Variants in INTS10 observed in about 807,000 individuals in gnomAD.
The protein encoded by INTS10 is chromosome 8 open reading frame 35.
INTS10 carries 44 observed loss-of-function variants against 94.4 expected under a neutral mutation model. The observed-to-expected ratio is 0.47, with a 90% CI of 0.37 to 0.60. The LOEUF (loss-of-function observed/expected upper bound fraction) is 0.60. Among genes scored for constraint, INTS10 ranks in the 20% least tolerant of loss-of-function variants. The pLI is 0.00. For missense variants in INTS10, 797 were observed against 868.7 expected, an observed-to-expected ratio of 0.92 and a Z score of 1.04; for synonymous variants, 341 against 320.7, an observed-to-expected ratio of 1.06 and a Z score of -0.68.
In INTS10 at chr8:19,837,063, A is replaced by C; in HGVS notation, c.1542A>C (p.Glu514Asp). 1 of 1,611,440 alleles carries C rather than the reference A, an allele frequency of 6.2e-7. No individual in the cohort carries two copies. The highest frequency in any genetic ancestry group is 1.1e-5 in the South Asian group (1 of 91,002). ...CTTTTCTGCTTTAGATGACATGTGAAAAAGTCCTTGATTTGATGTGCTACA... is the reference window on the plus strand; with the variant it reads ...CTTTTCTGCTTTAGATGACATGTGACAAAGTCCTTGATTTGATGTGCTACA... ...FALGEYRMTC[E>D]KVLDLMCYMV... The change falls in exon 13 of 17, where the codon GAA becomes GAC. Residue 514 changes from glutamate (E) to aspartate (D), a missense_variant. Physicochemically the swap from Glu to Asp is conservative, Grantham distance 45. Coordinates refer to ENST00000397977, the MANE Select transcript of INTS10 (RefSeq NM_018142.4).
chr8:19,819,393 G>A (rs1446817577), intron 2 of INTS10, among the ~76,000 whole-genome samples, 180 bp from the exon 3 acceptor site: 1 of 152,074 alleles, frequency 6.6e-6, no homozygotes, highest in Non-Finnish European at 1.5e-5. Context: ...ACTTATGTGA[G>A]TACTCTCATT....
chr8:19,830,515 G>C lies in INTS10; in HGVS notation c.1250G>C (p.Arg417Thr), dbSNP rs935830827. The change falls in exon 10 of 17, where the codon AGG (arginine) becomes ACG (threonine). Residue 417 changes from arginine (R) to threonine (T), a missense_variant. By Grantham distance (71) the Arg-to-Thr change is moderately conservative (BLOSUM62 -1). This residue lies in a region of INTS10 where 734 missense variants were observed against 787.8 expected (regional missense o/e 0.93). Transcript: ENST00000397977. Reference sequence around the variant, plus strand: ...GTGTTAGAAAGCTTTAAATTGGCCAGGGAGAGCTGGGAGTTGCTCTATTCC... The same window carrying C: ...GTGTTAGAAAGCTTTAAATTGGCCACGGAGAGCTGGGAGTTGCTCTATTCC... Reference protein sequence around the residue: ...TEVLESFKLARESWELLYSLE... With the variant: ...TEVLESFKLATESWELLYSLE... 5 of 1,613,996 alleles carry C rather than the reference G, an allele frequency of 3.1e-6. No homozygotes were observed. Among genetic ancestry groups the C allele is most frequent in the Non-Finnish European group, 4.2e-6 (5 of 1,179,998 alleles).
At chr8:19,845,169 A>G (rs574107779) in intron 15 of INTS10, among the ~76,000 whole-genome samples, 1 of 152,316 alleles carries the variant, frequency 6.6e-6, no homozygotes, top group African/African-American at 2.4e-5. Context: ...TCATCGACAT[A>G]TTGCATAAAA....
At chr8:19,824,353 G>A (rs921039694) in intron 7 of INTS10, 6 of 212,858 alleles carry the variant, frequency 2.8e-5, no homozygotes, top group Admixed American at 5.7e-5. Flanking sequence ...TTAGCCAGGC[G>A]AGGTGATGCG....
In INTS10 at chr8:19,842,775, T is replaced by A. The variant is rs1005835463; in HGVS notation, c.1640-73T>A. On this transcript the variant is annotated intron_variant, in intron 13 of 16. Coordinates refer to ENST00000397977, the MANE Select transcript of INTS10 (RefSeq NM_018142.4). ...TTTGTTGTTGTTAATGAAAGCATCT[T>A]AAACAGTTGCCTTTCAAAGCTGTTA... 9.9e-5 allele frequency: 92 copies of A among 930,984 alleles called. 1 individual carries two copies. Among genetic ancestry groups the A allele is most frequent in the South Asian group, 2.7e-4 (19 of 70,004 alleles). The allele number at this position is 930,984 out of a possible 1,614,324, so 57.7% of individuals were successfully genotyped here. A position where few individuals can be genotyped will look rare whatever the true frequency, so the allele number is the denominator to read the frequency against.
Position 19,824,013 on chromosome 8 carries a change from A to C in INTS10, c.805A>C (p.Arg269=). Residue 269 remains arginine, a synonymous_variant, in exon 7 of 17, where the codon AGA becomes CGA. Transcript: ENST00000397977. ...LFKILNVVGM[R]CEWQMDKGRR... Reference sequence around the variant, plus strand: ...TAAGATTTTGAATGTTGTTGGAATGAGATGTGAATGGCAGATGGATAAAGG... The same window carrying C: ...TAAGATTTTGAATGTTGTTGGAATGCGATGTGAATGGCAGATGGATAAAGG... 3.1e-6 allele frequency: 5 copies of C among 1,611,858 alleles called. No homozygotes were observed. The highest frequency in any genetic ancestry group is 4.2e-6 in the Non-Finnish European group (5 of 1,179,348).
chr8:19,841,975 A>T (rs1426068468), intron 13 of INTS10: 5 of 271,908 alleles, frequency 1.8e-5, no homozygotes. Context: ...TGTGTACAGG[A>T]TCCCATGTGA....
intron 4 of INTS10, 144 bp downstream of exon 4, chr8:19,820,662 A>G: frequency 1.6e-6 from 1 of 642,014 alleles, no homozygotes; most frequent in Non-Finnish European, 2.4e-6. Flanking sequence ...CTTTGTTAGT[A>G]AAGCTAAAAG....
chr8:19,819,707 C>T (rs374725423), intron 3 of INTS10, 31 bp downstream of exon 3: 22 of 1,469,112 alleles, frequency 1.5e-5, no homozygotes, highest in Middle Eastern at 1.7e-4. Flanking sequence ...GTTACCATTT[C>T]GGGAATACCA....
intron 2 of INTS10, chr8:19,818,576 T>A (rs935819109): frequency 7.4e-6 from 4 of 541,084 alleles, no homozygotes; most frequent in Non-Finnish European, 1.3e-5. Context: ...GTTTCATAAT[T>A]TATTCTAGAA....
chr8:19,828,436 C>G (rs1194880028), intron 9 of INTS10, among the ~76,000 whole-genome samples: 1 of 152,116 alleles, frequency 6.6e-6, no homozygotes, highest in African/African-American at 2.4e-5. Context: ...GGCATCTGTC[C>G]CCCACCTGCT....
At chr8:19,850,191 G>A (rs1315860589) in intron 16 of INTS10, among the ~76,000 whole-genome samples, 4 of 151,754 alleles carry the variant, frequency 2.6e-5, no homozygotes, top group Admixed American at 6.6e-5. Flanking sequence ...TTAGCTAACT[G>A]TCTGCAAGTG....
intron 13 of INTS10, among the ~76,000 whole-genome samples, chr8:19,838,253 G>A (rs936410871): frequency 1.3e-5 from 2 of 152,128 alleles, no homozygotes; most frequent in Non-Finnish European, 2.9e-5. Context: ...CTACTCAGGA[G>A]GCTGAGGTGG....
chr8:19,843,532 C>T lies in INTS10; in HGVS notation c.1720-544C>T, dbSNP rs1403089651. Among the ~76,000 whole-genome samples the T allele has an allele frequency of 6.6e-6, 1 of 152,148 alleles. No homozygotes were observed. On this transcript the variant is annotated intron_variant, in intron 14 of 16. Coordinates refer to ENST00000397977, the MANE Select transcript of INTS10 (RefSeq NM_018142.4). The surrounding 1 kb of genome is among the most constrained non-coding windows in gnomAD (Gnocchi z 4.7). ...CATCCATATCACTTTTTTAGGGCAA[C>T]AAAAACAATTTAAAGTGTGATTTTA...
At chr8:19,842,971 A>G (rs373897146) in intron 14 of INTS10, 44 bp downstream of exon 14, 68 of 1,287,752 alleles carry the variant, frequency 5.3e-5, no homozygotes, top group African/African-American at 5.1e-4. Context: ...GTAATTTCAA[A>G]TATTATTCTC....
chr8:19,847,445 T>C (rs1224973179), intron 16 of INTS10, among the ~76,000 whole-genome samples: 5 of 152,204 alleles, frequency 3.3e-5, no homozygotes, highest in Non-Finnish European at 7.4e-5. Flanking sequence ...TAACCCCTTT[T>C]GTATTGTGAT....
In INTS10 at chr8:19,842,868, C is replaced by G. The variant is rs2068243824; in HGVS notation, c.1660C>G (p.Pro554Ala). 2 of 1,612,124 alleles carry G rather than the reference C, an allele frequency of 1.2e-6. No homozygotes were observed. The highest frequency in any genetic ancestry group is 2.2e-5 in the South Asian group (2 of 91,034). Residue 554 changes from proline to alanine, a missense_variant, in exon 14 of 17, where the codon CCT becomes GCT. Physicochemically the swap from Pro to Ala is conservative, Grantham distance 27 (BLOSUM62 -1). This residue lies in a region of INTS10 where 734 missense variants were observed against 787.8 expected (regional missense o/e 0.93). Coordinates refer to ENST00000397977, the MANE Select transcript of INTS10 (RefSeq NM_018142.4). ...GTTAGGTTCGGATCTGAAGCTCCTGCCTTGTACCAGCAAGGCTATCATGCC... is the reference window on the plus strand; with the variant it reads ...GTTAGGTTCGGATCTGAAGCTCCTGGCTTGTACCAGCAAGGCTATCATGCC... ...FRKGSDLKLL[P>A]CTSKAIMPYC...
rs1398510862 is a variant in INTS10, at chr8:19,851,763, C to T, written c.2091C>T (p.Phe697=). The change falls in exon 17 of 17, where the codon TTC becomes TTT. Residue 697 remains phenylalanine (F), a synonymous_variant. Coordinates refer to ENST00000397977, the MANE Select transcript of INTS10 (RefSeq NM_018142.4). This position sits in a 1 kb window ranked among gnomAD's most constrained non-coding sequence, Gnocchi z 5.0. ...GENLMVVLHR[F]CINEKILLLQ... is the part of the protein sequence containing the mutation. ...ATCTGATGGTGGTTCTGCACAGGTTCTGCATTAATGAGAAGATCTTGCTCC... is the reference window on the plus strand; with the variant it reads ...ATCTGATGGTGGTTCTGCACAGGTTTTGCATTAATGAGAAGATCTTGCTCC... 6.2e-7 allele frequency: 1 copy of T among 1,614,150 alleles called. No homozygotes were observed. Among genetic ancestry groups the T allele is most frequent in the South Asian group, 1.1e-5 (1 of 91,084 alleles).
chr8:19,823,518 T>A, intron 6 of INTS10, 77 bp downstream of exon 6: 1 of 989,894 alleles, frequency 1.0e-6, no homozygotes, highest in East Asian at 2.4e-5. Context: ...CTCAATGTTC[T>A]GATTATTCTC....
Sources: gnomAD v4.1 joint callset for allele counts (sites outside exome capture counted in the v4.1 genomes callset) on GRCh38, gnomAD v4.1.1 for gene constraint, gnomAD v4.1.1 regional missense constraint, Gnocchi (gnomAD v3.1) non-coding constraint, MANE v1.5 for transcripts, NCBI Gene and HGNC (gene_info 2026-07-23, HGNC 2026-07-21) for gene names.